The following CASD1 variants were observed in gnomAD, a reference collection of about 807,000 sequenced individuals.
CASD1 encodes CAS1 domain sialic acid O acetyltransferase 1, also known as N-acetylneuraminate (7)9-O-acetyltransferase.
CASD1 carries 41 observed loss-of-function variants against 100.0 expected under a neutral mutation model. The observed-to-expected ratio is 0.41, with a 90% CI of 0.32 to 0.53. The LOEUF (loss-of-function observed/expected upper bound fraction) is 0.53. CASD1 is among the 20% of genes least tolerant of loss of function. The pLI, the probability that CASD1 is intolerant of heterozygous loss-of-function variation, is 0.25. For synonymous variants in CASD1, 321 were observed against 315.6 expected, an observed-to-expected ratio of 1.02 and a Z score of -0.18; for missense variants, 774 against 948.7, an observed-to-expected ratio of 0.82 and a Z score of 2.42.
the CASD1 span, chr7:94,627,320 C>T: frequency 6.6e-6 from 1 of 151,968 alleles, no homozygotes. Context: ...ACTAAAGATT[C>T]AATGTAACAG....
At chr7:94,512,451 C>T (rs1793760579) in intron 1 of CASD1, among the ~76,000 whole-genome samples, 1 of 152,122 alleles carries the variant, frequency 6.6e-6, no homozygotes, top group Non-Finnish European at 1.5e-5. Flanking sequence ...TATGAGTGTG[C>T]TGAGGCAAGG....
chr7:94,539,966 G>A (rs951467119), intron 10 of CASD1, among the ~76,000 whole-genome samples: 2 of 152,106 alleles, frequency 1.3e-5, no homozygotes, highest in African/African-American at 4.8e-5. Context: ...TGGTGTGGAA[G>A]ACCCTTCCTT....
At chr7:94,599,899 C>A in the CASD1 span, 2 of 512,072 alleles carry the variant, frequency 3.9e-6, no homozygotes, top group Non-Finnish European at 6.9e-6. Flanking sequence ...ACACATACAG[C>A]GATGGAATAC....
chr7:94,535,705 G>A (rs537182364), intron 8 of CASD1, among the ~76,000 whole-genome samples, 182 bp downstream of exon 8: 5 of 152,112 alleles, frequency 3.3e-5, no homozygotes, highest in South Asian at 2.1e-4. Context: ...GAATATATAC[G>A]TAAGAGTTTT....
downstream of CASD1, among the ~76,000 whole-genome samples, chr7:94,557,564 A>G (rs1260750670): frequency 6.6e-6 from 1 of 152,028 alleles, no homozygotes; most frequent in Non-Finnish European, 1.5e-5. Context: ...CTTCTTGATG[A>G]AACAATTGAA....
chr7:94,562,515 G>A, the CASD1 span, among the ~76,000 whole-genome samples: 213 of 152,218 alleles, frequency 1.4e-3, 1 homozygote, highest in African/African-American at 2.5e-3. Context: ...AGTTGCTCAC[G>A]AAATGTCCCT....
intron 5 of CASD1, among the ~76,000 whole-genome samples, chr7:94,530,111 A>G (rs988624800): frequency 1.3e-5 from 2 of 152,194 alleles, no homozygotes; most frequent in Non-Finnish European, 2.9e-5. Context: ...CAAGTGCTAA[A>G]ATAGGAAATG....
At chr7:94,587,060 C>T in the CASD1 span, 111 of 984,882 alleles carry the variant, frequency 1.1e-4, no homozygotes, top group Non-Finnish European at 1.3e-4. Context: ...GCTTTCTTGA[C>T]TCAAGCAAAA....
intron 8 of CASD1, 89 bp from the exon 9 acceptor site, chr7:94,537,383 C>G (rs1036729258): frequency 5.8e-6 from 7 of 1,200,668 alleles, no homozygotes; most frequent in Non-Finnish European, 8.2e-6. Context: ...GGTTTCAGTG[C>G]TAAAAACTCA....
the CASD1 span, chr7:94,623,279 A>T: frequency 8.3e-7 from 1 of 1,205,218 alleles, no homozygotes; most frequent in Non-Finnish European, 1.2e-6. Flanking sequence ...AACATAATGA[A>T]ATACTTCTTA....
the CASD1 span, chr7:94,620,058 T>A: frequency 6.6e-6 from 1 of 152,180 alleles, no homozygotes; most frequent in Non-Finnish European, 1.5e-5. Context: ...AAGTCCCCAG[T>A]AGTAATTACA....
intron 13 of CASD1, among the ~76,000 whole-genome samples, chr7:94,548,394 A>T (rs1795781656): frequency 6.7e-6 from 1 of 150,158 alleles, no homozygotes; most frequent in Non-Finnish European, 1.5e-5. Flanking sequence ...CATATATTTT[A>T]TCTGAGAGGT....
chr7:94,589,783 A>C, the CASD1 span: 1 of 189,078 alleles, frequency 5.3e-6, no homozygotes, highest in Non-Finnish European at 1.1e-5. Context: ...TAGTTGCAGG[A>C]AAACAAGCTG....
chr7:94,600,693 G>T, the CASD1 span: 1 of 1,613,780 alleles, frequency 6.2e-7, no homozygotes, highest in South Asian at 1.1e-5. Context: ...TTAGAAAAAG[G>T]ACCAGTGCCA....
chr7:94,549,926 C>T (rs1220944371), intron 14 of CASD1, among the ~76,000 whole-genome samples: 4 of 152,006 alleles, frequency 2.6e-5, no homozygotes, highest in Non-Finnish European at 5.9e-5. Flanking sequence ...ATATATGCTT[C>T]AGCCATTCAA....
At chr7:94,616,468 G>A in the CASD1 span, among the ~76,000 whole-genome samples, 2 of 151,972 alleles carry the variant, frequency 1.3e-5, no homozygotes, top group Admixed American at 6.6e-5. Flanking sequence ...TTTTACAAGG[G>A]ATATAATTCC....
chr7:94,582,878 A>G, the CASD1 span, among the ~76,000 whole-genome samples: 2 of 152,240 alleles, frequency 1.3e-5, no homozygotes, highest in Non-Finnish European at 2.9e-5. Context: ...TTGCATCCTT[A>G]GAACACTCTC....
the CASD1 span, among the ~76,000 whole-genome samples, chr7:94,611,434 G>C: frequency 7.1e-6 from 1 of 140,320 alleles, no homozygotes; most frequent in Non-Finnish European, 1.5e-5. Flanking sequence ...AAAATGTCCA[G>C]AATAGGCACA....
At position 94,555,570 on chromosome 7, in the gene CASD1, C is replaced by T; in HGVS notation, c.2206C>T (p.Leu736Phe). ...ILVLIPGNPM[L>F]NIIVSTFIFV... ...GGTACTGATACCTGGAAACCCTATGCTCAACATCATTGTCAGCACTTTCAT... is the reference window on the plus strand; with the variant it reads ...GGTACTGATACCTGGAAACCCTATGTTCAACATCATTGTCAGCACTTTCAT... Residue 736 changes from leucine (L) to phenylalanine (F), a missense_variant, in exon 18 of 18, where the codon CTC (leucine) becomes TTC (phenylalanine). By Grantham distance (22) the Leu-to-Phe change is conservative (BLOSUM62 0). Transcript: ENST00000297273. The T allele has an allele frequency of 1.2e-6, 2 of 1,613,474 alleles. No homozygotes were observed. Among genetic ancestry groups the T allele is most frequent in the Non-Finnish European group, 1.7e-6 (2 of 1,179,660 alleles).
Sources: gnomAD v4.1 joint callset for allele counts (sites outside exome capture counted in the v4.1 genomes callset) on GRCh38, gnomAD v4.1.1 for gene constraint, MANE v1.5 for transcripts, NCBI Gene and HGNC (gene_info 2026-07-23, HGNC 2026-07-21) for gene names.